The following RAPGEF2 variants were observed in gnomAD, a reference collection of about 807,000 sequenced individuals.
RAPGEF2 encodes PDZ domain containing guanine nucleotide exchange factor (GEF) 1.
A neutral mutation model predicts 186.7 loss-of-function variants in RAPGEF2; 54 were observed. The ratio of observed to expected loss-of-function variants is 0.29; its 90% CI spans 0.23 to 0.36. The LOEUF is 0.36. Ranked by LOEUF, RAPGEF2 falls within the 10% of genes least tolerant of loss-of-function variation. The pLI, the probability that RAPGEF2 is intolerant of heterozygous loss-of-function variation, is 1.00. For missense variants in RAPGEF2, 1,532 were observed against 2,045.0 expected (o/e 0.75, Z 4.84); for synonymous variants, 712 against 705.9 (o/e 1.01, Z -0.14).
chr4:159,166,622 T>TG (rs1745348827), intron 1 of RAPGEF2, among the ~76,000 whole-genome samples: 2 of 152,130 alleles, frequency 1.3e-5, no homozygotes, highest in Non-Finnish European at 1.5e-5. Flanking sequence ...CTAGGGATTG[T>TG]GGGGAGTAAA....
chr4:159,356,825 C>T (rs750900355), intron 29 of RAPGEF2, among the ~76,000 whole-genome samples: 6 of 152,028 alleles, frequency 3.9e-5, no homozygotes, highest in African/African-American at 7.2e-5. Flanking sequence ...CACTTGAGCC[C>T]GGAAGGCAGA....
At chr4:159,233,445 C>A (rs972833309) in intron 4 of RAPGEF2, among the ~76,000 whole-genome samples, 3 of 152,140 alleles carry the variant, frequency 2.0e-5, no homozygotes, top group African/African-American at 4.8e-5. Context: ...GCATACTTGT[C>A]AAAAATCAAC....
intron 1 of RAPGEF2, among the ~76,000 whole-genome samples, chr4:159,178,035 A>G (rs1746621330): frequency 6.6e-6 from 1 of 152,194 alleles, no homozygotes; most frequent in African/African-American, 2.4e-5. Context: ...CTCAACCTCC[A>G]TAGGCCTGCT....
In RAPGEF2 at chr4:159,341,698, A is replaced by G; in HGVS notation, c.2669A>G (p.Asn890Ser). 6.2e-7 allele frequency: 1 copy of G among 1,614,094 alleles called. No individual in the cohort carries two copies. Among genetic ancestry groups the G allele is most frequent in the Non-Finnish European group, 8.5e-7 (1 of 1,179,956 alleles). The change falls in exon 20 of 30, where the codon AAT becomes AGT. Residue 890 changes from asparagine to serine, a missense_variant. This residue lies in a region of RAPGEF2 where 810 missense variants were observed against 1,210.5 expected (regional missense o/e 0.67). Transcript: ENST00000691494. ...VEVATQLSMR[N>S]FELFRNIEPT... ...GTTGCAACACAGCTCTCTATGCGAA[A>G]TTTTGAACTCTTTCGCAACATTGAA...
At chr4:159,352,431 G>A in intron 26 of RAPGEF2, 1 of 412,430 alleles carries the variant, frequency 2.4e-6, no homozygotes. Flanking sequence ...GTTGAGTGGT[G>A]CCTTTTCTGC....
intron 8 of RAPGEF2, among the ~76,000 whole-genome samples, chr4:159,308,100 CT>C (rs1486802077): frequency 1.3e-5 from 2 of 152,158 alleles, no homozygotes; most frequent in African/African-American, 4.8e-5. Context: ...ACTTCTGCCC[CT>C]GGTTATCATC....
chr4:159,104,472 C>G (rs959352282), intron 1 of RAPGEF2, among the ~76,000 whole-genome samples: 1 of 141,250 alleles, frequency 7.1e-6, no homozygotes, highest in Non-Finnish European at 1.5e-5. Flanking sequence ...CTGACCTTTC[C>G]CACTATGTTG....
chr4:159,112,707 C>G (rs918601388), intron 1 of RAPGEF2, among the ~76,000 whole-genome samples: 1 of 152,064 alleles, frequency 6.6e-6, no homozygotes, highest in Non-Finnish European at 1.5e-5. Flanking sequence ...CAGGTAAACA[C>G]CATAGTAGCA....
At chr4:159,340,191 G>A (rs1729194985) in intron 19 of RAPGEF2, among the ~76,000 whole-genome samples, 1 of 151,986 alleles carries the variant, frequency 6.6e-6, no homozygotes, top group Admixed American at 6.6e-5. Flanking sequence ...ACTTTTTCAT[G>A]TTATAGATTT....
chr4:159,134,271 C>T (rs1741451315), intron 1 of RAPGEF2, among the ~76,000 whole-genome samples: 1 of 152,188 alleles, frequency 6.6e-6, no homozygotes, highest in Non-Finnish European at 1.5e-5. Context: ...TTTCACTAAG[C>T]ACAAGCTTTT....
At chr4:159,223,527 T>A (rs1166189443) in intron 4 of RAPGEF2, among the ~76,000 whole-genome samples, 1 of 152,212 alleles carries the variant, frequency 6.6e-6, no homozygotes, top group African/African-American at 2.4e-5. Context: ...ATTGTTGTGT[T>A]TTATTATTAT....
chr4:159,333,321 C>T (rs978790887), intron 17 of RAPGEF2, among the ~76,000 whole-genome samples: 2 of 152,248 alleles, frequency 1.3e-5, no homozygotes, highest in African/African-American at 4.8e-5. Flanking sequence ...CTCCTGTCTC[C>T]TCCATCATGA....
chr4:159,329,927 G>C lies in RAPGEF2; in HGVS notation c.1219G>C (p.Glu407Gln). ...NQVEKNMQKV[E>Q]EEGEIVMVKE... ...AGTAGAAAAGAACATGCAAAAAGTT[G>C]AAGAGGAAGGAGAGATTGTTATGGT... The change falls in exon 12 of 30, where the codon GAA becomes CAA. Residue 407 changes from glutamate to glutamine, a missense_variant. Around this residue, in one of 4 missense-constraint regions of RAPGEF2, gnomAD observed 810 missense variants for 1,210.5 expected, o/e 0.67. Transcript: ENST00000691494. 6.2e-7 allele frequency: 1 copy of C among 1,613,448 alleles called. No individual in the cohort carries two copies. The highest frequency in any genetic ancestry group is 8.5e-7 in the Non-Finnish European group (1 of 1,179,618).
chr4:159,264,191 A>G (rs1445338388), intron 7 of RAPGEF2, among the ~76,000 whole-genome samples: 1 of 152,190 alleles, frequency 6.6e-6, no homozygotes, highest in Non-Finnish European at 1.5e-5. Flanking sequence ...AACATACAAG[A>G]TAGTGTGGAT....
intron 1 of RAPGEF2, among the ~76,000 whole-genome samples, chr4:159,115,704 C>G (rs1282611330): frequency 6.6e-6 from 1 of 152,136 alleles, no homozygotes; most frequent in Non-Finnish European, 1.5e-5. Flanking sequence ...GCTACAGTAA[C>G]CAAAACAGCA....
chr4:159,274,177 C>T (rs1196667549), intron 7 of RAPGEF2, among the ~76,000 whole-genome samples: 2 of 152,164 alleles, frequency 1.3e-5, no homozygotes, highest in Admixed American at 1.3e-4. Context: ...CAGAGTAATG[C>T]TTAAGTTTTC....
intron 10 of RAPGEF2, among the ~76,000 whole-genome samples, chr4:159,322,766 T>C (rs537534443): frequency 6.6e-6 from 1 of 152,138 alleles, no homozygotes; most frequent in Admixed American, 6.5e-5. Flanking sequence ...GAAAGGCACT[T>C]CTTACATGGC....
At chr4:159,205,138 G>T (rs566127697) in intron 3 of RAPGEF2, among the ~76,000 whole-genome samples, 8 of 152,188 alleles carry the variant, frequency 5.3e-5, no homozygotes, top group African/African-American at 1.9e-4. Context: ...TTCATATTGA[G>T]ACCATTTTTT....
chr4:159,309,033 A>G (rs1763639256), intron 8 of RAPGEF2, among the ~76,000 whole-genome samples: 2 of 152,192 alleles, frequency 1.3e-5, no homozygotes, highest in African/African-American at 4.8e-5. Flanking sequence ...AGCTTTCTCC[A>G]CAGTAAGCAC....
Sources: gnomAD v4.1 joint callset for allele counts (sites outside exome capture counted in the v4.1 genomes callset) on GRCh38, gnomAD v4.1.1 for gene constraint, gnomAD v4.1.1 regional missense constraint, MANE v1.5 for transcripts, NCBI Gene and HGNC (gene_info 2026-07-23, HGNC 2026-07-21) for gene names.